Variants in LHFPL6 observed in about 807,000 individuals in gnomAD.
LHFPL6 encodes the protein LHFPL tetraspan subfamily member 6 protein.
In LHFPL6, 9 loss-of-function variants were observed where a neutral mutation model predicts 20.6. The ratio of observed to expected loss-of-function variants is 0.44; its 90% confidence interval spans 0.26 to 0.76. The LOEUF (loss-of-function observed/expected upper bound fraction) is 0.76, where lower values mean the gene tolerates loss of function less well. Among genes scored for constraint, LHFPL6 ranks in the 30% least tolerant of loss-of-function variants. The probability of loss-of-function intolerance (pLI) is 0.20; values close to 1 mark genes in which losing one functional copy is unlikely to be tolerated. For missense variants in LHFPL6, 218 were observed against 253.5 expected, an observed-to-expected ratio of 0.86 and a Z score of 0.95; for synonymous variants, 105 against 98.7, an observed-to-expected ratio of 1.06 and a Z score of -0.38.
At chr13:39,411,998 G>C (rs576028456) in intron 2 of LHFPL6, among the ~76,000 whole-genome samples, 1 of 152,348 alleles carries the variant, frequency 6.6e-6, no homozygotes, top group East Asian at 1.9e-4. Context: ...ATAAGTATTA[G>C]AAGAGACTTA....
chr13:39,498,312 T>C (rs1442454146), intron 2 of LHFPL6, among the ~76,000 whole-genome samples: 2 of 152,164 alleles, frequency 1.3e-5, no homozygotes, highest in African/African-American at 4.8e-5. Context: ...ACCTTCTCCA[T>C]TAAAGTAAAG....
chr13:39,426,747 T>C (rs1226066279), intron 2 of LHFPL6, among the ~76,000 whole-genome samples: 1 of 152,214 alleles, frequency 6.6e-6, no homozygotes, highest in African/African-American at 2.4e-5. Context: ...TTAGTGAAGA[T>C]AATGTTTTAA....
intron 2 of LHFPL6, among the ~76,000 whole-genome samples, chr13:39,393,022 A>C (rs1397021944): frequency 1.3e-5 from 2 of 152,186 alleles, no homozygotes; most frequent in Non-Finnish European, 2.9e-5. Flanking sequence ...ATATTATATT[A>C]GGTATTACAA....
chr13:39,437,190 C>T (rs1871980842), intron 2 of LHFPL6, among the ~76,000 whole-genome samples: 2 of 152,190 alleles, frequency 1.3e-5, no homozygotes, highest in Admixed American at 6.5e-5. Context: ...TTTCCTTATA[C>T]ATCATTATAA....
chr13:39,564,032 A>G (rs888822074), intron 2 of LHFPL6, among the ~76,000 whole-genome samples: 21 of 152,178 alleles, frequency 1.4e-4, no homozygotes, highest in African/African-American at 4.8e-4. Context: ...CTCAGTAAAC[A>G]TGGACTGCTA....
At chr13:39,556,824 T>C (rs1304233880) in intron 2 of LHFPL6, among the ~76,000 whole-genome samples, 1 of 151,982 alleles carries the variant, frequency 6.6e-6, no homozygotes, top group East Asian at 1.9e-4. Context: ...CAGCCAGCCA[T>C]GATGGCACAT....
chr13:39,397,785 T>C (rs1870880891), intron 2 of LHFPL6, among the ~76,000 whole-genome samples: 1 of 152,200 alleles, frequency 6.6e-6, no homozygotes, highest in African/African-American at 2.4e-5. Context: ...GAAAATAATT[T>C]CCGTTGTCTT....
intron 2 of LHFPL6, among the ~76,000 whole-genome samples, chr13:39,484,948 CT>C (rs922918232): frequency 6.0e-4 from 91 of 151,688 alleles, no homozygotes; most frequent in African/African-American, 2.0e-3. Context: ...CCAGAAGAAA[CT>C]TTTTTTTTAT....
intron 2 of LHFPL6, among the ~76,000 whole-genome samples, chr13:39,478,472 C>A (rs560004794): frequency 6.6e-6 from 1 of 152,116 alleles, no homozygotes; most frequent in Non-Finnish European, 1.5e-5. Flanking sequence ...GATATAGTGT[C>A]TCTCTTAAAT....
At chr13:39,463,951 A>G (rs7990728) in intron 2 of LHFPL6, among the ~76,000 whole-genome samples, 23,743 of 152,154 alleles carry the variant, frequency 0.16, 3,456 homozygotes, top group East Asian at 0.51. Context: ...TAGAAATGAA[A>G]GCCCTTATTA....
At chr13:39,396,831 G>GAC (rs373974848) in intron 2 of LHFPL6, among the ~76,000 whole-genome samples, 6 of 151,874 alleles carry the variant, frequency 4.0e-5, no homozygotes, top group Non-Finnish European at 7.4e-5. Context: ...GGCAGGTGAA[G>GAC]ACACACACAC....
intron 3 of LHFPL6, among the ~76,000 whole-genome samples, chr13:39,366,251 C>G (rs1870008283): frequency 6.6e-6 from 1 of 152,196 alleles, no homozygotes; most frequent in Non-Finnish European, 1.5e-5. Context: ...TCTCTAACTA[C>G]TTATGTGGAT....
chr13:39,378,608 T>C, intron 2 of LHFPL6, 82 bp from the exon 3 acceptor site: 1 of 1,051,886 alleles, frequency 9.5e-7, no homozygotes, highest in Non-Finnish European at 1.5e-6. Flanking sequence ...TATTTAGCAA[T>C]ATAACAAGAC....
intron 2 of LHFPL6, among the ~76,000 whole-genome samples, chr13:39,407,861 A>G (rs1245033528): frequency 6.6e-6 from 1 of 152,236 alleles, no homozygotes; most frequent in Non-Finnish European, 1.5e-5. Context: ...AATATATAAA[A>G]AACAATTTTA....
At chr13:39,545,139 G>A (rs1028961893) in intron 2 of LHFPL6, among the ~76,000 whole-genome samples, 5 of 151,722 alleles carry the variant, frequency 3.3e-5, no homozygotes, top group East Asian at 1.9e-4. Context: ...CCAGCTACTC[G>A]GGAGGCCGAG....
intron 2 of LHFPL6, among the ~76,000 whole-genome samples, chr13:39,421,824 A>C (rs1871497005): frequency 6.6e-6 from 1 of 152,202 alleles, no homozygotes; most frequent in South Asian, 2.1e-4. Context: ...TATATGAAAA[A>C]ATCTTTTTAT....
rs904896014 is a variant in LHFPL6, at chr13:39,456,813, T to C, written c.386-78287A>G. The stretch of plus-strand genomic sequence containing the variant: ...AGACAAAGATTTCTTTTTTTTTTTT[T>C]TGAGACAGAGTCTTGCTCTGTAGCC... On this transcript the variant is annotated intron_variant, in intron 2 of 3. Transcript: ENST00000379589. Among the ~76,000 whole-genome samples, 24 of 152,148 alleles carry C rather than the reference T, an allele frequency of 1.6e-4. 1 individual carries two copies. Among genetic ancestry groups the C allele is most frequent in the African/African-American group, 4.8e-4 (20 of 41,438 alleles).
intron 2 of LHFPL6, among the ~76,000 whole-genome samples, chr13:39,448,209 G>A (rs1872342588): frequency 6.6e-6 from 1 of 152,202 alleles, no homozygotes; most frequent in African/African-American, 2.4e-5. Flanking sequence ...AGATGACTCA[G>A]TTTGATAGCA....
At chr13:39,546,421 C>T (rs532211892) in intron 2 of LHFPL6, among the ~76,000 whole-genome samples, 1 of 152,156 alleles carries the variant, frequency 6.6e-6, no homozygotes, top group African/African-American at 2.4e-5. Flanking sequence ...TAGCAGATTC[C>T]GATAGACATT....
Sources: gnomAD v4.1 joint callset for allele counts (sites outside exome capture counted in the v4.1 genomes callset) on GRCh38, gnomAD v4.1.1 for gene constraint, MANE v1.5 for transcripts, NCBI Gene and HGNC (gene_info 2026-07-23, HGNC 2026-07-21) for gene names.